PIK3C2G: variants seen among roughly 807,000 people sequenced by gnomAD.
The protein encoded by PIK3C2G is phosphatidylinositol-4-phosphate 3-kinase catalytic subunit type 2 gamma.
A neutral mutation model predicts 181.1 loss-of-function variants in PIK3C2G; 168 were observed. That is an observed-to-expected ratio of 0.93 (90% CI 0.82 to 1.05). The LOEUF is 1.05. Among genes scored for constraint, PIK3C2G ranks in the 50% least tolerant of loss-of-function variants. The pLI, the probability that PIK3C2G is intolerant of heterozygous loss-of-function variation, is 0.00. For missense variants in PIK3C2G, 1,869 were observed against 1,732.8 expected (o/e 1.08, Z -1.40); for synonymous variants, 573 against 592.2 (o/e 0.97, Z 0.47).
At chr12:18,557,320 C>T (rs1243057829) in intron 26 of PIK3C2G, among the ~76,000 whole-genome samples, 1 of 151,734 alleles carries the variant, frequency 6.6e-6, no homozygotes, top group Admixed American at 6.6e-5. Flanking sequence ...CACACACACA[C>T]AAACAAATCA....
chr12:18,616,241 A>G (rs1293446755), intron 31 of PIK3C2G, among the ~76,000 whole-genome samples: 1 of 152,112 alleles, frequency 6.6e-6, no homozygotes, highest in African/African-American at 2.4e-5. Context: ...TGCAGTTTCA[A>G]TTGTATTGAG....
At chr12:18,614,804 C>G (rs767018383) in intron 31 of PIK3C2G, among the ~76,000 whole-genome samples, 1 of 152,056 alleles carries the variant, frequency 6.6e-6, no homozygotes, top group African/African-American at 2.4e-5. Flanking sequence ...TGGGCATTTA[C>G]AGTCCAATAT....
intron 28 of PIK3C2G, among the ~76,000 whole-genome samples, chr12:18,564,071 C>T (rs932076674): frequency 8.6e-5 from 13 of 151,668 alleles, no homozygotes; most frequent in African/African-American, 3.1e-4. Flanking sequence ...AAATTATTAA[C>T]TTGCATTATC....
intron 7 of PIK3C2G, among the ~76,000 whole-genome samples, chr12:18,322,033 G>A (rs574020025): frequency 3.3e-5 from 5 of 152,178 alleles, no homozygotes; most frequent in Admixed American, 1.3e-4. Context: ...CCACCATTGC[G>A]CACGTTTACC....
chr12:18,611,745 A>G (rs1948352805), intron 31 of PIK3C2G, among the ~76,000 whole-genome samples: 1 of 152,042 alleles, frequency 6.6e-6, no homozygotes, highest in South Asian at 2.1e-4. Context: ...CTTCCCCACA[A>G]GCTACATCCA....
chr12:18,589,714 G>A (rs989047517), intron 29 of PIK3C2G, among the ~76,000 whole-genome samples: 1 of 152,042 alleles, frequency 6.6e-6, no homozygotes, highest in Non-Finnish European at 1.5e-5. Context: ...GAAGAATGGA[G>A]CACTCAGAGA....
chr12:18,535,877 A>G (rs1943824969), intron 24 of PIK3C2G, among the ~76,000 whole-genome samples: 1 of 152,096 alleles, frequency 6.6e-6, no homozygotes, highest in African/African-American at 2.4e-5. Context: ...CAAACACCGC[A>G]TGTTCTCACT....
chr12:18,346,652 A>G lies in PIK3C2G; in HGVS notation c.1441A>G (p.Lys481Glu), dbSNP rs1449736764. The G allele has an allele frequency of 6.3e-7, 1 of 1,596,942 alleles. No homozygotes were observed. The highest frequency in any genetic ancestry group is 2.3e-5 in the East Asian group (1 of 44,092). Residue 481 changes from lysine to glutamate, a missense_variant, in exon 11 of 33, where the codon AAG (lysine) becomes GAG (glutamate). Lys to Glu is a moderately conservative substitution (Grantham distance 56). Coordinates refer to ENST00000538779, the MANE Select transcript of PIK3C2G (RefSeq NM_001288772.2). ...SETSAKGLIE[K>E]VTTELSTSIY... ...CTCTTCCTTTCTAGGCTTGATAGAG[A>G]AGGTAACAACTGAACTATCCACATC...
At chr12:18,455,630 C>CA (rs758194921) in intron 18 of PIK3C2G, among the ~76,000 whole-genome samples, 82 of 152,198 alleles carry the variant, frequency 5.4e-4, no homozygotes, top group Admixed American at 1.2e-3. Flanking sequence ...AAGGTACCAG[C>CA]AGATTCAGTG....
intron 29 of PIK3C2G, among the ~76,000 whole-genome samples, chr12:18,579,440 A>C (rs1039659084): frequency 2.0e-5 from 3 of 152,212 alleles, no homozygotes; most frequent in Middle Eastern, 3.2e-3. Context: ...AGAATTGGTT[A>C]AGTTAGATGG....
At chr12:18,617,184 C>G (rs564181717) in intron 31 of PIK3C2G, among the ~76,000 whole-genome samples, 6 of 152,206 alleles carry the variant, frequency 3.9e-5, no homozygotes, top group African/African-American at 4.8e-5. Flanking sequence ...CCACCTATCT[C>G]AGTTATTTGT....
At chr12:18,475,495 A>G (rs1290982714) in intron 18 of PIK3C2G, among the ~76,000 whole-genome samples, 3 of 151,786 alleles carry the variant, frequency 2.0e-5, no homozygotes, top group African/African-American at 7.3e-5. Flanking sequence ...CTGATAGAAA[A>G]GTACTCTGTG....
chr12:18,487,479 C>T (rs901296345), intron 18 of PIK3C2G, among the ~76,000 whole-genome samples: 1 of 151,644 alleles, frequency 6.6e-6, no homozygotes, highest in Non-Finnish European at 1.5e-5. Flanking sequence ...TCCTTGAATG[C>T]TAATCATTTT....
intron 16 of PIK3C2G, among the ~76,000 whole-genome samples, chr12:18,410,443 T>G (rs1415585924): frequency 6.7e-6 from 1 of 149,330 alleles, no homozygotes; most frequent in African/African-American, 2.5e-5. Flanking sequence ...AGGTGGAGGT[T>G]GCAGTGAGCC....
intron 5 of PIK3C2G, among the ~76,000 whole-genome samples, chr12:18,305,498 C>T (rs1051094708): frequency 1.3e-5 from 2 of 152,066 alleles, no homozygotes; most frequent in Non-Finnish European, 2.9e-5. Context: ...CAAAATGCAG[C>T]TGTCACATTA....
chr12:18,705,934 A>G, the PIK3C2G span, among the ~76,000 whole-genome samples: 1 of 148,774 alleles, frequency 6.7e-6, no homozygotes, highest in Middle Eastern at 3.8e-3. Context: ...AGACCAATTA[A>G]GAAGAAGGCA....
At chr12:18,587,126 A>G (rs189423919) in intron 29 of PIK3C2G, among the ~76,000 whole-genome samples, 4 of 152,288 alleles carry the variant, frequency 2.6e-5, no homozygotes, top group Admixed American at 2.6e-4. Context: ...AGCTGGAAGC[A>G]TTCCCCTTGA....
chr12:18,353,626 T>C (rs1940439533), intron 11 of PIK3C2G, among the ~76,000 whole-genome samples: 1 of 152,170 alleles, frequency 6.6e-6, no homozygotes, highest in Admixed American at 6.5e-5. Flanking sequence ...CCCCCATCTC[T>C]ACTGTAAAAA....
At chr12:18,694,203 T>C in the PIK3C2G span, 1 of 631,340 alleles carries the variant, frequency 1.6e-6, no homozygotes, top group Non-Finnish European at 2.8e-6. Flanking sequence ...CCATTGATTT[T>C]TATTAGCAAA....
Sources: allele counts gnomAD v4.1 joint callset (sites outside exome capture counted in the v4.1 genomes callset), GRCh38; gene constraint gnomAD v4.1.1; transcripts MANE v1.5; gene names NCBI Gene and HGNC (gene_info 2026-07-23, HGNC 2026-07-21).